MYO16: variants seen among roughly 807,000 people sequenced by gnomAD.
The protein encoded by MYO16 is myosin XVI.
In MYO16, 94 loss-of-function variants were observed where a neutral mutation model predicts 205.3. That is an observed-to-expected ratio of 0.46 (90% confidence interval 0.39 to 0.54). The LOEUF (loss-of-function observed/expected upper bound fraction) is 0.54, where lower values mean the gene tolerates loss of function less well. Among genes scored for constraint, MYO16 ranks in the 20% least tolerant of loss-of-function variants. MYO16 has a pLI of 0.00. For synonymous variants in MYO16, 988 were observed against 954.0 expected, an observed-to-expected ratio of 1.04 and a Z score of -0.66; for missense variants, 2,315 against 2,387.5, an observed-to-expected ratio of 0.97 and a Z score of 0.63.
At position 109,055,303 on chromosome 13, in the gene MYO16, C is replaced by T. The variant is rs922801200; in HGVS notation, c.3130-87C>T. ...GTAAATGCATAATGAGATTTAAAGACGTAAAGACTTTTTATTTAAAAACTG... is the reference window on the plus strand; with the variant it reads ...GTAAATGCATAATGAGATTTAAAGATGTAAAGACTTTTTATTTAAAAACTG... On this transcript the variant is annotated intron_variant, in intron 26 of 34. Transcript: ENST00000457511. The surrounding 1 kb of genome is among the most constrained non-coding windows in gnomAD (Gnocchi z 5.0). The T allele has an allele frequency of 6.4e-5, 73 of 1,143,956 alleles. 1 individual carries two copies. The highest frequency in any genetic ancestry group is 5.9e-4 in the Admixed American group (25 of 42,478). The allele number at this position is 1,143,956 out of a possible 1,614,324, so 70.9% of individuals were successfully genotyped here.
At chr13:108,520,747 G>T in the MYO16 span, among the ~76,000 whole-genome samples, 1 of 152,186 alleles carries the variant, frequency 6.6e-6, no homozygotes, top group South Asian at 2.1e-4. Flanking sequence ...AGACAAATGA[G>T]ATTATAATAG....
intron 27 of MYO16, among the ~76,000 whole-genome samples, chr13:109,079,310 G>C (rs1194234395): frequency 1.3e-5 from 2 of 151,966 alleles, no homozygotes; most frequent in African/African-American, 4.8e-5. Flanking sequence ...GGGCAAATCG[G>C]AGACTATTGC....
At chr13:109,029,112 CTT>C (rs200871485) in intron 23 of MYO16, among the ~76,000 whole-genome samples, 19 of 98,410 alleles carry the variant, frequency 1.9e-4, no homozygotes, top group South Asian at 1.1e-3. Context: ...TTTTTCTTTT[CTT>C]TTTTTTTTTT....
At chr13:108,984,775 A>G (rs1231260592) in intron 20 of MYO16, among the ~76,000 whole-genome samples, 1 of 152,056 alleles carries the variant, frequency 6.6e-6, no homozygotes, top group Non-Finnish European at 1.5e-5. Flanking sequence ...CAACACATAA[A>G]CTTCAAATAC....
At chr13:108,734,717 G>A (rs955663226) in intron 4 of MYO16, among the ~76,000 whole-genome samples, 1 of 152,240 alleles carries the variant, frequency 6.6e-6, no homozygotes, top group African/African-American at 2.4e-5. Context: ...TGGCAGCATG[G>A]CACCAGGGCA....
intron 16 of MYO16, among the ~76,000 whole-genome samples, chr13:108,919,872 A>G (rs2139260503): frequency 6.6e-6 from 1 of 152,366 alleles, no homozygotes. Context: ...TTACTTAGCA[A>G]CAAAATCTAA....
intron 32 of MYO16, among the ~76,000 whole-genome samples, chr13:109,164,449 T>C (rs1019749726): frequency 2.0e-4 from 31 of 152,350 alleles, no homozygotes; most frequent in African/African-American, 7.2e-4. Flanking sequence ...TATTCCAACA[T>C]GGACACTAAA....
At chr13:108,681,304 G>A (rs1015733038) in intron 2 of MYO16, among the ~76,000 whole-genome samples, 1 of 152,158 alleles carries the variant, frequency 6.6e-6, no homozygotes, top group Non-Finnish European at 1.5e-5. Context: ...ACTCCACTAA[G>A]GAGTTTCAGT....
the MYO16 span, among the ~76,000 whole-genome samples, chr13:108,574,842 A>G: frequency 6.6e-6 from 1 of 152,198 alleles, no homozygotes; most frequent in African/African-American, 2.4e-5. Flanking sequence ...GTTAGGAAAA[A>G]AAGGAAAACT....
chr13:109,127,461 A>C lies in MYO16; in HGVS notation c.3962A>C (p.Lys1321Thr). 6.2e-7 allele frequency: 1 copy of C among 1,614,030 alleles called. No homozygotes were observed. The highest frequency in any genetic ancestry group is 8.5e-7 in the Non-Finnish European group (1 of 1,180,018). ...LPSPRKQPPP[K>T]PKRDPNTRLS... ...TCTCCACGGAAACAGCCCCCGCCCA[A>C]GCCAAAGAGGGACCCCAACACCCGG... is the stretch of plus-strand genomic sequence containing the variant. Residue 1321 changes from lysine to threonine, a missense_variant, in exon 31 of 35, where the codon AAG becomes ACG. Coordinates refer to ENST00000457511, the MANE Select transcript of MYO16 (RefSeq NM_001198950.3). The surrounding 1 kb of genome is among the most constrained non-coding windows in gnomAD (Gnocchi z 4.2).
intron 6 of MYO16, among the ~76,000 whole-genome samples, chr13:108,802,453 T>C (rs943582970): frequency 1.2e-4 from 18 of 152,202 alleles, no homozygotes; most frequent in Non-Finnish European, 2.5e-4. Flanking sequence ...AGTATTCCAT[T>C]ATGTATATAT....
intron 20 of MYO16, among the ~76,000 whole-genome samples, chr13:108,972,360 A>C (rs1163493451): frequency 0.012 from 335 of 28,436 alleles, 76 homozygotes; most frequent in African/African-American, 0.031. Flanking sequence ...CCATATATAT[A>C]TATATATATA....
intron 21 of MYO16, among the ~76,000 whole-genome samples, chr13:109,002,337 A>G (rs1231980394): frequency 6.6e-6 from 1 of 152,212 alleles, no homozygotes; most frequent in Non-Finnish European, 1.5e-5. Context: ...AATGAAAGTA[A>G]AGGGAGAGCA....
At chr13:108,517,919 AG>A in the MYO16 span, among the ~76,000 whole-genome samples, 2 of 152,134 alleles carry the variant, frequency 1.3e-5, no homozygotes, top group Non-Finnish European at 2.9e-5. Flanking sequence ...ACAAGGGGCA[AG>A]GGAACTCGCT....
intron 16 of MYO16, among the ~76,000 whole-genome samples, chr13:108,944,303 G>A (rs1882851292): frequency 6.6e-6 from 1 of 152,062 alleles, no homozygotes; most frequent in Non-Finnish European, 1.5e-5. Context: ...AAAGAAAGTA[G>A]CCCACCTTAT....
chr13:108,551,643 C>T, the MYO16 span, among the ~76,000 whole-genome samples: 5 of 152,032 alleles, frequency 3.3e-5, no homozygotes, highest in South Asian at 1.0e-3. Context: ...TTTTGCTCCA[C>T]AAAAATCTTA....
intron 3 of MYO16, among the ~76,000 whole-genome samples, chr13:108,717,532 AG>A (rs1260685830): frequency 1.3e-5 from 2 of 149,936 alleles, no homozygotes; most frequent in Non-Finnish European, 3.0e-5. Flanking sequence ...TGGGAGGCTG[AG>A]GAAGGAGAAT....
At chr13:108,561,474 C>T in the MYO16 span, among the ~76,000 whole-genome samples, 27 of 152,304 alleles carry the variant, frequency 1.8e-4, 1 homozygote, top group South Asian at 5.6e-3. Flanking sequence ...ATTTTTATAA[C>T]TTTCTAATAG....
intron 32 of MYO16, among the ~76,000 whole-genome samples, chr13:109,149,202 T>A (rs548400045): frequency 1.8e-4 from 28 of 152,238 alleles, no homozygotes; most frequent in Admixed American, 2.0e-4. Flanking sequence ...GCAGCGCTTC[T>A]AGGTGCATAC....
Sources: allele counts gnomAD v4.1 joint callset (sites outside exome capture counted in the v4.1 genomes callset), GRCh38; gene constraint gnomAD v4.1.1; non-coding constraint Gnocchi (gnomAD v3.1); transcripts MANE v1.5; gene names NCBI Gene and HGNC (gene_info 2026-07-23, HGNC 2026-07-21).